DMD: variants seen among roughly 807,000 people sequenced by gnomAD.
DMD encodes mutant dystrophin.
Under a neutral mutation model 330.1 loss-of-function variants are expected in DMD, and 63 were observed. The ratio of observed to expected loss-of-function variants is 0.19; its 90% CI spans 0.16 to 0.24. The LOEUF (loss-of-function observed/expected upper bound fraction) is 0.24. Ranked by LOEUF, DMD falls within the 10% of genes least tolerant of loss-of-function variation. DMD has a pLI of 1.00. For synonymous variants in DMD, 1,223 were observed against 959.8 expected (o/e 1.27, Z -5.07); for missense variants, 3,344 against 2,684.1 (o/e 1.25, Z -5.43).
At chrX:32,940,789 A>C (rs775130652) in intron 2 of DMD, among the ~76,000 whole-genome samples, 1 of 112,042 alleles carries the variant, frequency 8.9e-6, no homozygotes, top group African/African-American at 3.2e-5. Context: ...GAGCAAAACC[A>C]AAAAATTGAC....
At chrX:32,728,049 G>T (rs1463213985) in intron 7 of DMD, among the ~76,000 whole-genome samples, 3 of 111,462 alleles carry the variant, frequency 2.7e-5, no homozygotes, top group African/African-American at 9.8e-5. Context: ...TTCAGAAAAT[G>T]ACACTCCTCA....
chrX:31,867,673 G>A lies in DMD; in HGVS notation c.7098+7515C>T, dbSNP rs756719154. On this transcript the variant is annotated intron_variant, in intron 48 of 78. Transcript: ENST00000357033. ...AAGAAGAGATGCTGAACCTTGACTAGGTTATAGTTGTATGGGTCAACTATT... is the reference window on the plus strand; with the variant it reads ...AAGAAGAGATGCTGAACCTTGACTAAGTTATAGTTGTATGGGTCAACTATT... 1.4e-3 allele frequency among the ~76,000 whole-genome samples: 151 copies of A among 111,129 alleles called. 2 individuals carry two copies. In the Middle Eastern group the frequency reaches 0.014, roughly 10 times the overall value.
At chrX:32,926,752 CAA>C (rs745877756) in intron 2 of DMD, among the ~76,000 whole-genome samples, 10 of 41,531 alleles carry the variant, frequency 2.4e-4, no homozygotes, top group East Asian at 7.1e-4. Context: ...ACTCCATCTC[CAA>C]AAAAAAAAAA....
At chrX:32,057,698 T>C (rs1043301659) in intron 44 of DMD, among the ~76,000 whole-genome samples, 2 of 109,948 alleles carry the variant, frequency 1.8e-5, no homozygotes, top group African/African-American at 3.3e-5. Flanking sequence ...GTAATTCCTA[T>C]CATAATCCCA....
At chrX:32,750,725 A>C (rs188499453) in intron 7 of DMD, among the ~76,000 whole-genome samples, 1 of 111,135 alleles carries the variant, frequency 9.0e-6, no homozygotes, top group South Asian at 3.8e-4. Flanking sequence ...CTTTCCTCTG[A>C]TTGATCTCCA....
intron 55 of DMD, among the ~76,000 whole-genome samples, chrX:31,595,622 T>G (rs1419008043): frequency 9.0e-6 from 1 of 111,032 alleles, no homozygotes; most frequent in Non-Finnish European, 1.9e-5. Context: ...AATATAACTT[T>G]GGGCCCATCA....
chrX:31,761,593 A>G (rs1165518953), intron 51 of DMD, among the ~76,000 whole-genome samples: 1 of 112,086 alleles, frequency 8.9e-6, no homozygotes, highest in Non-Finnish European at 1.9e-5. Flanking sequence ...TTAATAATTC[A>G]GAATATAAAA....
At position 32,651,635 on chromosome X, in the gene DMD, C is replaced by T. The variant is rs776105118; in HGVS notation, c.961-6483G>A. On this transcript the variant is annotated intron_variant, in intron 9 of 78. Coordinates refer to ENST00000357033, the MANE Select transcript of DMD (RefSeq NM_004006.3). ...CACACTGAGGAAGATACCAGAATAC[C>T]AGAAAGACAGCAATGGGACACAGCC... is the stretch of plus-strand genomic sequence containing the variant. Among the ~76,000 whole-genome samples the T allele has an allele frequency of 5.4e-5, 6 of 111,012 alleles. No homozygotes were observed. In the South Asian group the frequency reaches 1.5e-3, roughly 28 times the overall value.
intron 43 of DMD, among the ~76,000 whole-genome samples, chrX:32,217,322 T>C (rs1392395163): frequency 8.9e-6 from 1 of 111,754 alleles, no homozygotes; most frequent in Non-Finnish European, 1.9e-5. Flanking sequence ...AATGAATATA[T>C]TTATTGATTA....
At chrX:33,304,463 C>A (rs758037172) in intron 1 of DMD, among the ~76,000 whole-genome samples, 1,510 of 110,444 alleles carry the variant, frequency 0.014, 32 homozygotes, top group African/African-American at 0.047. Flanking sequence ...CATAAAAACC[C>A]TAGAAGAAAA....
chrX:33,082,416 G>A (rs934442419), intron 1 of DMD, among the ~76,000 whole-genome samples: 10 of 112,128 alleles, frequency 8.9e-5, no homozygotes, highest in African/African-American at 2.9e-4. Flanking sequence ...GTAGTCCAGA[G>A]AAAGGAAAAT....
chrX:32,604,911 A>T (rs1294419268), intron 12 of DMD, among the ~76,000 whole-genome samples: 1 of 110,913 alleles, frequency 9.0e-6, no homozygotes, highest in Admixed American at 9.6e-5. Flanking sequence ...GATGACACAA[A>T]CAAATGGAAA....
In DMD at chrX:32,850,745, T is replaced by C. The variant is rs1303620918; in HGVS notation, c.94-925A>G. On this transcript the variant is annotated intron_variant, in intron 2 of 78. Transcript: ENST00000357033. The stretch of plus-strand genomic sequence containing the variant: ...TTTTGTCATACTTCACCAAATCGTT[T>C]TCTGCTTAAAACCCTACAATCCCCT... Among the ~76,000 whole-genome samples the C allele has an allele frequency of 3.6e-5, 4 of 112,022 alleles. No individual in the cohort carries two copies. The East Asian group carries it at 1.1e-3, about 32-fold the overall frequency.
chrX:32,033,596 AGACAGAC>A (rs1182386145), intron 44 of DMD, among the ~76,000 whole-genome samples: 7,592 of 45,201 alleles, frequency 0.17, 424 homozygotes, highest in East Asian at 0.28. Context: ...CAAGACAGAC[AGACAGAC>A]AGAAAGAAAG....
At position 32,785,713 on chromosome X, in the gene DMD, C is replaced by G. The variant is rs2075295180; in HGVS notation, c.649+23780G>C. ...TCCCTTAATATTCCATATTTTTTAACTTTTTTCGTATTTCACATGCAGTTT... is the reference window on the plus strand; with the variant it reads ...TCCCTTAATATTCCATATTTTTTAAGTTTTTTCGTATTTCACATGCAGTTT... On this transcript the variant is annotated intron_variant, in intron 7 of 78. Coordinates refer to ENST00000357033, the MANE Select transcript of DMD (RefSeq NM_004006.3). 1.8e-5 allele frequency among the ~76,000 whole-genome samples: 2 copies of G among 111,046 alleles called. 1 individual carries two copies. The highest frequency in any genetic ancestry group is 7.4e-4 in the South Asian group (2 of 2,690).
chrX:33,192,093 C>T (rs1290491646), intron 1 of DMD, among the ~76,000 whole-genome samples: 8 of 112,042 alleles, frequency 7.1e-5, no homozygotes, highest in Admixed American at 5.7e-4. Context: ...CCAAATCACC[C>T]AGTTCACCTA....
chrX:33,300,715 A>G (rs760471887), intron 1 of DMD, among the ~76,000 whole-genome samples: 1 of 111,631 alleles, frequency 9.0e-6, no homozygotes, highest in South Asian at 3.7e-4. Context: ...CCCCGCCTCC[A>G]TAACTGGGAG....
intron 30 of DMD, among the ~76,000 whole-genome samples, chrX:32,394,913 A>ACAAAAACAAAAC (rs1400464815): frequency 5.6e-5 from 3 of 53,552 alleles, no homozygotes; most frequent in Non-Finnish European, 9.8e-5. Context: ...AAAAACAAAA[A>ACAAAAACAAAAC]AACAAAAAAA....
intron 1 of DMD, among the ~76,000 whole-genome samples, chrX:33,238,713 C>G (rs776774083): frequency 9.0e-6 from 1 of 111,335 alleles, no homozygotes; most frequent in Non-Finnish European, 1.9e-5. Flanking sequence ...AAGCTATAAC[C>G]GAGATTTTAA....
Sources: allele counts gnomAD v4.1 joint callset (sites outside exome capture counted in the v4.1 genomes callset), GRCh38; gene constraint gnomAD v4.1.1; transcripts MANE v1.5; gene names NCBI Gene and HGNC (gene_info 2026-07-23, HGNC 2026-07-21).